The following TBPL1 variants were observed in gnomAD, a reference collection of about 807,000 sequenced individuals.
The protein encoded by TBPL1 is TATA box-binding protein-like 1.
TBPL1 carries 4 observed loss-of-function variants against 22.1 expected under a neutral mutation model. The observed-to-expected ratio is 0.18, with a 90% CI of 0.09 to 0.41. The LOEUF (loss-of-function observed/expected upper bound fraction) is 0.41. TBPL1 is among the 10% of genes least tolerant of loss of function. TBPL1 has a pLI of 1.00. For synonymous variants in TBPL1, 64 were observed against 71.0 expected (o/e 0.90, Z 0.50); for missense variants, 115 against 222.3 (o/e 0.52, Z 3.07).
intron 1 of TBPL1, among the ~76,000 whole-genome samples, chr6:133,974,478 C>T (rs770571033): frequency 9.2e-5 from 14 of 152,262 alleles, no homozygotes; most frequent in Middle Eastern, 3.4e-3. Context: ...GGATTACAGG[C>T]GTGCACCACC....
At chr6:133,979,976 G>A in intron 1 of TBPL1, 106 bp from the exon 2 acceptor site, 1 of 919,292 alleles carries the variant, frequency 1.1e-6, no homozygotes, top group Non-Finnish European at 1.5e-6. Flanking sequence ...AGTAACATTT[G>A]AAAAATAAAT....
At chr6:133,965,840 C>T (rs1171605052) in intron 1 of TBPL1, among the ~76,000 whole-genome samples, 3 of 152,108 alleles carry the variant, frequency 2.0e-5, no homozygotes, top group Non-Finnish European at 4.4e-5. Context: ...ATAATAGTAA[C>T]AATAAGAACA....
rs1307825258 is a variant in TBPL1 at position 133,988,589 on chromosome 6, C to A, written c.*1549C>A. ...CTAGCTTAGGCACTGCACTGAACAA[C>A]ACATATTATTTTTATCTTTTTTCTT... is the stretch of plus-strand genomic sequence containing the variant. On this transcript the variant is annotated 3_prime_UTR_variant, in exon 7 of 7. Transcript: ENST00000237264. 3.9e-5 allele frequency: 6 copies of A among 152,184 alleles called. No individual in the cohort carries two copies. 9.4% of individuals were successfully genotyped at this position (152,184 alleles called of 1,614,324 possible). A position where few individuals can be genotyped will look rare whatever the true frequency, so the allele number is the denominator to read the frequency against.
At chr6:133,958,990 A>T (rs1228007988) in intron 1 of TBPL1, among the ~76,000 whole-genome samples, 2 of 152,020 alleles carry the variant, frequency 1.3e-5, no homozygotes, top group Non-Finnish European at 2.9e-5. Context: ...CACCAAATAG[A>T]TAGAGATATA....
At position 133,984,669 on chromosome 6, in the gene TBPL1, C is replaced by G; in HGVS notation, c.479C>G (p.Thr160Arg). Residue 160 changes from threonine to arginine, a missense_variant and splice_region_variant, in exon 6 of 7, where the codon ACA becomes AGA. Transcript: ENST00000237264. ...TTTTCAACAGGAAGTATCACAGTAA[C>G]AGGTATTCTATGATATTGAAACCAC... ...QIFSTGSITV[T>R]GPNVKAVATA... 6.2e-7 allele frequency: 1 copy of G among 1,606,498 alleles called. No homozygotes were observed. The highest frequency in any genetic ancestry group is 8.5e-7 in the Non-Finnish European group (1 of 1,174,866).
intron 4 of TBPL1, 59 bp from the exon 5 acceptor site, chr6:133,984,317 C>T: frequency 7.7e-7 from 1 of 1,305,880 alleles, no homozygotes; most frequent in Non-Finnish European, 1.1e-6. Context: ...CCATTATGAG[C>T]AGATTTTTTG....
intron 1 of TBPL1, among the ~76,000 whole-genome samples, chr6:133,978,527 C>G (rs1023091957): frequency 6.6e-6 from 1 of 152,162 alleles, no homozygotes; most frequent in African/African-American, 2.4e-5. Context: ...ATATATCTAT[C>G]CATCAGTTCC....
chr6:133,982,446 G>A, intron 2 of TBPL1, 122 bp from the exon 3 acceptor site: 1 of 685,334 alleles, frequency 1.5e-6, no homozygotes, highest in Non-Finnish European at 2.4e-6. Context: ...GATTTGGAGA[G>A]CAGTTATTGC....
chr6:133,980,006 C>T, intron 1 of TBPL1, 76 bp from the exon 2 acceptor site: 1 of 1,093,702 alleles, frequency 9.1e-7, no homozygotes, highest in Non-Finnish European at 1.2e-6. Flanking sequence ...TCATTTTTTA[C>T]ATTTCAATTT....
chr6:133,989,010 A>G lies in TBPL1; in HGVS notation c.*1970A>G, dbSNP rs1239671111. The G allele has an allele frequency of 6.6e-6, 1 of 152,204 alleles. No individual in the cohort carries two copies. Among genetic ancestry groups the G allele is most frequent in the Non-Finnish European group, 1.5e-5 (1 of 68,024 alleles). The allele number at this position is 152,204 out of a possible 1,614,324, so 9.4% of individuals were successfully genotyped here. ...CATGACTTGAAAACTGGGCAGATCA[A>G]TAGATAATCGAAGTGCTTTATCTGA... On this transcript the variant is annotated 3_prime_UTR_variant, in exon 7 of 7. Transcript: ENST00000237264.
chr6:133,954,159 C>T (rs914561754), intron 1 of TBPL1, among the ~76,000 whole-genome samples: 7 of 152,196 alleles, frequency 4.6e-5, no homozygotes, highest in Non-Finnish European at 8.8e-5. Flanking sequence ...TCAATGTGCT[C>T]ATTGCAATAA....
chr6:133,971,744 G>C (rs1351789102), intron 1 of TBPL1, among the ~76,000 whole-genome samples: 1 of 152,066 alleles, frequency 6.6e-6, no homozygotes, highest in Non-Finnish European at 1.5e-5. Context: ...TTTGAGAAGT[G>C]TCTGTTAAGG....
At chr6:133,952,397 C>T (rs1187587991), upstream of TBPL1, 6 of 152,704 alleles carry the variant, frequency 3.9e-5, no homozygotes, top group African/African-American at 9.6e-5. The surrounding 1 kb of genome is among the most constrained non-coding windows in gnomAD (Gnocchi z 4.5). Flanking sequence ...CCGCCCTCTC[C>T]CACTCCCATC....
intron 4 of TBPL1, among the ~76,000 whole-genome samples, chr6:133,983,760 G>A (rs1776457540): frequency 6.6e-6 from 1 of 152,170 alleles, no homozygotes; most frequent in African/African-American, 2.4e-5. Context: ...ATGTTGGTTG[G>A]AGTGGCCAAA....
chr6:133,986,334 A>G (rs1776522619), intron 6 of TBPL1, among the ~76,000 whole-genome samples: 1 of 152,206 alleles, frequency 6.6e-6, no homozygotes, highest in East Asian at 1.9e-4. Flanking sequence ...AGCGATTTAA[A>G]TGAAAGATTA....
Position 133,963,878 on chromosome 6 carries a change from A to C in TBPL1, c.-45+10453A>C, listed in dbSNP as rs564002050. On this transcript the variant is annotated intron_variant, in intron 1 of 6. Coordinates refer to ENST00000237264, the MANE Select transcript of TBPL1 (RefSeq NM_004865.4). ...ACGCCGTCTCTACTAAAAATACAAA[A>C]AAAAAAAAAAAAATTAGCCAGGCGT... Among the ~76,000 whole-genome samples, 395 of 151,378 alleles carry C rather than the reference A, an allele frequency of 2.6e-3. 2 individuals are homozygous for C. The highest frequency in any genetic ancestry group is 0.023 in the South Asian group (109 of 4,806).
At chr6:133,971,801 T>G (rs1008005303) in intron 1 of TBPL1, among the ~76,000 whole-genome samples, 1 of 152,194 alleles carries the variant, frequency 6.6e-6, no homozygotes, top group African/African-American at 2.4e-5. Context: ...CTGAGTTGGT[T>G]GAATTTCATA....
At position 133,987,660 on chromosome 6, in the gene TBPL1, A is replaced by ATATATATATATG. The variant is rs1014795332; in HGVS notation, c.*627_*628insATATGTATATAT. On this transcript the variant is annotated 3_prime_UTR_variant, in exon 7 of 7. Coordinates refer to ENST00000237264, the MANE Select transcript of TBPL1 (RefSeq NM_004865.4). ...TGTGTGTGTGTGTGTATATATATATATATATATGCACCACATGTGTATAGT... is the reference window on the plus strand; with the variant it reads ...TGTGTGTGTGTGTGTATATATATATATATATATATATGTATATATGCACCACATGTGTATAGT... The ATATATATATATG allele has an allele frequency of 6.9e-5, 10 of 145,016 alleles. No individual in the cohort carries two copies. The highest frequency in any genetic ancestry group is 2.1e-4 in the Admixed American group (3 of 14,034). 9.0% of individuals were successfully genotyped at this position (145,016 alleles called of 1,614,324 possible). A position where few individuals can be genotyped will look rare whatever the true frequency, so the allele number is the denominator to read the frequency against.
chr6:133,986,308 T>C (rs1776522056), intron 6 of TBPL1, among the ~76,000 whole-genome samples: 2 of 152,226 alleles, frequency 1.3e-5, no homozygotes, highest in African/African-American at 4.8e-5. Context: ...CATTGTCCTT[T>C]TTTATGTTTC....
Sources: gnomAD v4.1 joint callset for allele counts (sites outside exome capture counted in the v4.1 genomes callset) on GRCh38, gnomAD v4.1.1 for gene constraint, Gnocchi (gnomAD v3.1) non-coding constraint, MANE v1.5 for transcripts, NCBI Gene and HGNC (gene_info 2026-07-23, HGNC 2026-07-21) for gene names.